Variants in SLC35A2 observed in about 807,000 individuals in gnomAD.
SLC35A2 encodes solute carrier family 35 member A2, also known as UDP-galactose translocator.
SLC35A2 carries 1 observed loss-of-function variant against 17.3 expected under a neutral mutation model. That is an observed-to-expected ratio of 0.06 (90% CI 0.02 to 0.27). The LOEUF is 0.27. SLC35A2 is among the 10% of genes least tolerant of loss of function. The probability of loss-of-function intolerance (pLI) is 1.00; values close to 1 mark genes in which losing one functional copy is unlikely to be tolerated. For missense variants in SLC35A2, 191 were observed against 339.3 expected, an observed-to-expected ratio of 0.56 and a Z score of 3.43; for synonymous variants, 161 against 161.3, an observed-to-expected ratio of 1.00 and a Z score of 0.01.
At chrX:48,911,651 G>T (rs191194783), upstream of SLC35A2, 154 of 1,156,293 alleles carry the variant, frequency 1.3e-4, no homozygotes, top group Non-Finnish European at 1.6e-4. Context: ...GCATCTGCCC[G>T]GCCCGTCCCC....
intron 2 of SLC35A2, among the ~76,000 whole-genome samples, chrX:48,907,828 G>A (rs1557043325): frequency 9.0e-6 from 1 of 110,707 alleles, no homozygotes; most frequent in African/African-American, 3.3e-5. Flanking sequence ...TCGAGACCAG[G>A]CTGGCCAACG....
At chrX:48,911,714 T>G, upstream of SLC35A2, 3 of 1,153,105 alleles carry the variant, frequency 2.6e-6, no homozygotes, top group Non-Finnish European at 3.5e-6. Flanking sequence ...CCGGGCCACC[T>G]GAGTGAAGGT....
chrX:48,907,742 C>A (rs782180479), intron 2 of SLC35A2, among the ~76,000 whole-genome samples: 1 of 112,085 alleles, frequency 8.9e-6, no homozygotes, highest in Non-Finnish European at 1.9e-5. Context: ...GATAATCGGG[C>A]TGGGCGCAGT....
At chrX:48,903,521 G>A (rs1557042164) in intron 4 of SLC35A2, 56 bp from the exon 5 acceptor site, 10 of 562,899 alleles carry the variant, frequency 1.8e-5, no homozygotes, top group Admixed American at 7.0e-5. Context: ...GCTGGCAGGC[G>A]GGTTTCCTGA....
intron 2 of SLC35A2, among the ~76,000 whole-genome samples, chrX:48,907,655 T>A (rs1355936609): frequency 1.8e-5 from 2 of 112,065 alleles, no homozygotes; most frequent in Non-Finnish European, 3.8e-5. Flanking sequence ...AGACACAGAG[T>A]TGCCTCTGCC....
chrX:48,909,707 G>T, intron 2 of SLC35A2, 107 bp downstream of exon 2: 1 of 714,634 alleles, frequency 1.4e-6, no homozygotes, highest in Admixed American at 3.1e-5. Context: ...CTCCAGGCAG[G>T]TTGAGATTTG....
upstream of SLC35A2, chrX:48,911,956 G>A (rs923606041): frequency 2.2e-5 from 26 of 1,163,059 alleles, no homozygotes; most frequent in Non-Finnish European, 4.6e-6. Flanking sequence ...ATCATCCCCC[G>A]ATCTTGTCTC....
intron 2 of SLC35A2, among the ~76,000 whole-genome samples, chrX:48,908,813 T>C (rs1414168563): frequency 8.9e-6 from 1 of 112,040 alleles, no homozygotes. Context: ...GAATATTCTC[T>C]TCAATGTAAA....
intron 1 of SLC35A2, chrX:48,910,372 T>C: frequency 3.6e-6 from 3 of 834,356 alleles, no homozygotes; most frequent in Middle Eastern, 5.7e-4. Flanking sequence ...GAGTGTTTAC[T>C]GTATGCCTAT....
chrX:48,903,900 T>C, intron 4 of SLC35A2: 1 of 774,784 alleles, frequency 1.3e-6, no homozygotes, highest in Non-Finnish European at 1.5e-6. Context: ...GCCAGACGGA[T>C]ATCAAGAGTA....
rs1340692327 is a variant in SLC35A2 at position 48,905,089 on chromosome X, C to T, written c.820G>A (p.Val274Met). ...FFGYTPAVWG[V>M]VLNQAFGGLL... ...CCGCCGAAGGCCTGGTTGAGCACCA[C>T]GCCCCAGACAGCAGGTGTGTACCCA... Residue 274 changes from valine (V) to methionine (M), a missense_variant, in exon 4 of 5, where the codon GTG (valine) becomes ATG (methionine). This residue lies in a region of SLC35A2 where 164 missense variants were observed against 315.3 expected (regional missense o/e 0.52). Transcript: ENST00000247138. 10 of 1,211,273 alleles carry T rather than the reference C, an allele frequency of 8.3e-6. No homozygotes were observed. The highest frequency in any genetic ancestry group is 5.9e-5 in the East Asian group (2 of 33,848).
chrX:48,907,459 C>T (rs781902580), intron 2 of SLC35A2, among the ~76,000 whole-genome samples: 3 of 110,750 alleles, frequency 2.7e-5, no homozygotes, highest in Admixed American at 1.9e-4. Context: ...GTGTTAGCCA[C>T]GATGGTCTTG....
At chrX:48,910,145 A>C in intron 1 of SLC35A2, 149 bp from the exon 2 acceptor site, 1 of 872,037 alleles carries the variant, frequency 1.1e-6, no homozygotes, top group East Asian at 3.4e-5. Flanking sequence ...TCACCCAATA[A>C]GGGTCTGACT....
At chrX:48,903,607 G>A (rs782723416) in intron 4 of SLC35A2, 142 bp from the exon 5 acceptor site, 40 of 593,609 alleles carry the variant, frequency 6.7e-5, no homozygotes, top group African/African-American at 1.4e-4. Context: ...AAAGCTACAC[G>A]TGGACTAAAT....
rs1378679960 is a variant in SLC35A2, at chrX:48,909,388, AGAG to A, written c.274+423_274+425del. Reference sequence around the variant, plus strand: ...GTGTGGGATTTACTTAAAAATAATAAGAGGATAAGGACGTAGGTAGACATATAG... The same window carrying A: ...GTGTGGGATTTACTTAAAAATAATAAGATAAGGACGTAGGTAGACATATAG... On this transcript the variant is annotated intron_variant, in intron 2 of 4. Coordinates refer to ENST00000247138, the MANE Select transcript of SLC35A2 (RefSeq NM_005660.3). Among the ~76,000 whole-genome samples, 16 of 113,198 alleles carry A rather than the reference AGAG, an allele frequency of 1.4e-4. No individual in the cohort carries two copies. The Admixed American group carries it at 1.5e-3, about 11-fold the overall frequency.
intron 1 of SLC35A2, 176 bp from the exon 2 acceptor site, chrX:48,910,172 C>T (rs1557043746): frequency 2.1e-6 from 2 of 956,207 alleles, no homozygotes; most frequent in Non-Finnish European, 2.9e-6. Context: ...GGCTTACTGC[C>T]TCAGCCATGA....
chrX:48,904,001 A>G, intron 4 of SLC35A2: 1 of 759,871 alleles, frequency 1.3e-6, no homozygotes, highest in Non-Finnish European at 1.6e-6. Context: ...AGATTCAGCC[A>G]CTTCAAGGAC....
intron 4 of SLC35A2, chrX:48,904,392 C>T: frequency 9.3e-7 from 1 of 1,079,135 alleles, no homozygotes; most frequent in Admixed American, 4.1e-5. Context: ...AGACGAGAAA[C>T]CTCCAGAAGA....
In SLC35A2 at chrX:48,909,809, C is replaced by T. The variant is rs1060503677; in HGVS notation, c.274+5G>A. On this transcript the variant is annotated splice_donor_5th_base_variant and intron_variant, in intron 2 of 4. Transcript: ENST00000247138. ...CCCCAGTGCAGCCCCATCCCTGGTTCGTACCCCTCTTCTGTGCGAAGAGCA... is the reference window on the plus strand; with the variant it reads ...CCCCAGTGCAGCCCCATCCCTGGTTTGTACCCCTCTTCTGTGCGAAGAGCA... The T allele has an allele frequency of 1.7e-5, 20 of 1,201,328 alleles. No individual in the cohort carries two copies. The highest frequency in any genetic ancestry group is 1.6e-4 in the South Asian group (9 of 55,574).
Sources: allele counts gnomAD v4.1 joint callset (sites outside exome capture counted in the v4.1 genomes callset), GRCh38; gene constraint gnomAD v4.1.1; regional missense constraint gnomAD v4.1.1; transcripts MANE v1.5; gene names NCBI Gene and HGNC (gene_info 2026-07-23, HGNC 2026-07-21).